PARM1: variants seen among roughly 807,000 people sequenced by gnomAD.
PARM1 encodes the protein WSC4, cell wall integrity and stress response component 4 homolog.
PARM1 carries 14 observed loss-of-function variants against 24.6 expected under a neutral mutation model. That is an observed-to-expected ratio of 0.57 (90% CI 0.38 to 0.89). The LOEUF is 0.89. Among genes scored for constraint, PARM1 ranks in the 40% least tolerant of loss-of-function variants. PARM1 has a pLI of 0.00. For missense variants in PARM1, 362 were observed against 380.4 expected (o/e 0.95, Z 0.40); for synonymous variants, 179 against 156.6 (o/e 1.14, Z -1.07).
intron 1 of PARM1, 107 bp from the exon 2 acceptor site, chr4:75,012,318 A>T: frequency 8.1e-7 from 1 of 1,236,788 alleles, no homozygotes; most frequent in South Asian, 1.4e-5. Context: ...AAAATGAGAA[A>T]TACCTGTGAA....
intron 1 of PARM1, among the ~76,000 whole-genome samples, chr4:74,960,779 C>A (rs1252455233): frequency 6.6e-6 from 1 of 151,490 alleles, no homozygotes; most frequent in Non-Finnish European, 1.5e-5. Context: ...GAGGCCGAGG[C>A]GGGTGGATCA....
intron 3 of PARM1, among the ~76,000 whole-genome samples, chr4:75,042,805 A>G (rs992183033): frequency 1.3e-5 from 2 of 151,792 alleles, no homozygotes; most frequent in Admixed American, 1.3e-4. Context: ...AGTACACCCA[A>G]TTTTTCCTGT....
At chr4:75,033,743 T>C in intron 2 of PARM1, 140 bp from the exon 3 acceptor site, 1 of 557,286 alleles carries the variant, frequency 1.8e-6, no homozygotes, top group Non-Finnish European at 3.1e-6. Flanking sequence ...GTGAATGTCA[T>C]GCAGAATGAT....
At chr4:74,940,719 A>C (rs1721289396) in intron 1 of PARM1, among the ~76,000 whole-genome samples, 1 of 152,252 alleles carries the variant, frequency 6.6e-6, no homozygotes, top group Non-Finnish European at 1.5e-5. Context: ...TGATTGGTCC[A>C]TACTGTAGGA....
At chr4:74,961,658 T>C (rs1268843715) in intron 1 of PARM1, among the ~76,000 whole-genome samples, 1 of 152,186 alleles carries the variant, frequency 6.6e-6, no homozygotes, top group African/African-American at 2.4e-5. Flanking sequence ...AGGGCTGATA[T>C]ATACAAAGTG....
At chr4:75,036,335 G>C (rs1432361068) in intron 3 of PARM1, among the ~76,000 whole-genome samples, 3 of 152,156 alleles carry the variant, frequency 2.0e-5, no homozygotes, top group Admixed American at 2.0e-4. Context: ...GTCTAAAATA[G>C]TGATTAACAA....
intron 1 of PARM1, among the ~76,000 whole-genome samples, chr4:74,985,903 G>C (rs910957797): frequency 2.0e-5 from 3 of 151,990 alleles, no homozygotes; most frequent in African/African-American, 7.2e-5. Context: ...TGAGTAGCTG[G>C]GACTACAGGT....
At chr4:74,976,488 G>A (rs1722140147) in intron 1 of PARM1, among the ~76,000 whole-genome samples, 1 of 152,230 alleles carries the variant, frequency 6.6e-6, no homozygotes, top group African/African-American at 2.4e-5. Context: ...GGTGGCCACA[G>A]TTTCCACAGT....
At chr4:74,982,433 C>A (rs373693950) in intron 1 of PARM1, among the ~76,000 whole-genome samples, 2 of 152,002 alleles carry the variant, frequency 1.3e-5, no homozygotes, top group African/African-American at 4.8e-5. Context: ...GTACATCCTG[C>A]ACATGTACCC....
At chr4:74,940,634 A>C (rs1048246155) in intron 1 of PARM1, among the ~76,000 whole-genome samples, 2 of 152,176 alleles carry the variant, frequency 1.3e-5, no homozygotes, top group Non-Finnish European at 2.9e-5. Context: ...TCAGAATGCA[A>C]ATATTGAAAC....
At chr4:74,991,287 A>G (rs1269240058) in intron 1 of PARM1, among the ~76,000 whole-genome samples, 1 of 152,188 alleles carries the variant, frequency 6.6e-6, no homozygotes, top group African/African-American at 2.4e-5. Context: ...AAAATATATG[A>G]ATCAATGGTT....
At chr4:74,951,546 C>T (rs1181290905) in intron 1 of PARM1, among the ~76,000 whole-genome samples, 2 of 152,096 alleles carry the variant, frequency 1.3e-5, no homozygotes, top group Non-Finnish European at 2.9e-5. Context: ...CCCATCAACC[C>T]GTCATCTTCA....
At position 75,049,009 on chromosome 4, in the gene PARM1, T is replaced by C. The variant is rs1230842558; in HGVS notation, c.*2762T>C. 1.3e-5 allele frequency: 2 copies of C among 152,540 alleles called. No homozygotes were observed. Among genetic ancestry groups the C allele is most frequent in the African/African-American group, 4.8e-5 (2 of 41,438 alleles). The allele number at this position is 152,540 out of a possible 1,614,324, so 9.4% of individuals were successfully genotyped here. A position where few individuals can be genotyped will look rare whatever the true frequency, so the allele number is the denominator to read the frequency against. ...CGTCTTTGACCTCAGGGAGAGCACC[T>C]GTCCAGGTCTGCCTAAAGGAAATGG... On this transcript the variant is annotated 3_prime_UTR_variant, in exon 4 of 4. Coordinates refer to ENST00000307428, the MANE Select transcript of PARM1 (RefSeq NM_015393.4).
chr4:74,972,825 T>C (rs1722064367), intron 1 of PARM1, among the ~76,000 whole-genome samples: 2 of 152,220 alleles, frequency 1.3e-5, no homozygotes, highest in South Asian at 2.1e-4. Context: ...GATGCCTCAA[T>C]GTGTCCAGGC....
chr4:75,007,663 G>A (rs568772242), intron 1 of PARM1, among the ~76,000 whole-genome samples: 3 of 139,094 alleles, frequency 2.2e-5, no homozygotes, highest in African/African-American at 8.0e-5. Flanking sequence ...TTCCTGCAGA[G>A]ACACGAGTTC....
intron 1 of PARM1, among the ~76,000 whole-genome samples, chr4:74,976,640 T>C (rs1363989032): frequency 1.3e-5 from 2 of 152,220 alleles, no homozygotes; most frequent in Non-Finnish European, 2.9e-5. Context: ...TGGTGCCTCC[T>C]GACTGGGTGA....
chr4:74,935,099 TG>T (rs1185580630), intron 1 of PARM1, among the ~76,000 whole-genome samples: 1 of 151,338 alleles, frequency 6.6e-6, no homozygotes, highest in East Asian at 2.0e-4. Context: ...AGGAGACTGG[TG>T]GGCCAGGGAC....
intron 1 of PARM1, among the ~76,000 whole-genome samples, chr4:74,991,354 C>A (rs1722462937): frequency 6.6e-6 from 1 of 152,108 alleles, no homozygotes; most frequent in Non-Finnish European, 1.5e-5. Context: ...GTGAGTCCTA[C>A]AATTGCCTCA....
chr4:75,008,517 G>A (rs1722813091), intron 1 of PARM1, among the ~76,000 whole-genome samples: 1 of 152,208 alleles, frequency 6.6e-6, no homozygotes, highest in African/African-American at 2.4e-5. Flanking sequence ...GATATCTTAA[G>A]TGGTATCTTG....
Sources: allele counts gnomAD v4.1 joint callset (sites outside exome capture counted in the v4.1 genomes callset), GRCh38; gene constraint gnomAD v4.1.1; transcripts MANE v1.5; gene names NCBI Gene and HGNC (gene_info 2026-07-23, HGNC 2026-07-21).